The following VSIG10 variants were observed in gnomAD, a reference collection of about 807,000 sequenced individuals.
VSIG10 encodes the protein V-set and immunoglobulin domain-containing protein 10.
Under a neutral mutation model 58.7 loss-of-function variants are expected in VSIG10, and 48 were observed. The observed-to-expected ratio is 0.82, with a 90% CI of 0.65 to 1.04. The LOEUF (loss-of-function observed/expected upper bound fraction) is 1.04. Ranked by LOEUF, VSIG10 falls within the 50% of genes least tolerant of loss-of-function variation. VSIG10 has a pLI of 0.00. For missense variants in VSIG10, 628 were observed against 670.0 expected (o/e 0.94, Z 0.69); for synonymous variants, 260 against 267.1 (o/e 0.97, Z 0.26).
chr12:118,103,716 T>C lies in VSIG10; in HGVS notation c.-45A>G. The C allele has an allele frequency of 1.4e-6, 2 of 1,424,612 alleles. No homozygotes were observed. Among genetic ancestry groups the C allele is most frequent in the Non-Finnish European group, 1.8e-6 (2 of 1,093,992 alleles). The allele number at this position is 1,424,612 out of a possible 1,614,324, so 88.2% of individuals were successfully genotyped here. On this transcript the variant is annotated 5_prime_UTR_variant, in exon 1 of 9. Coordinates refer to ENST00000359236, the MANE Select transcript of VSIG10 (RefSeq NM_019086.6). ...CAGGAAACGCAGGCTCGGGCTGGGC[T>C]GGACGTGTGTGCCCCAGGGCCCCGG... is the stretch of plus-strand genomic sequence containing the variant.
chr12:118,068,259 TTCTGGGCTTAAG>T, intron 8 of VSIG10, 106 bp downstream of exon 8: 3 of 827,748 alleles, frequency 3.6e-6, no homozygotes, highest in Non-Finnish European at 5.5e-6. Context: ...AGTCTTGAAC[TTCTGGGCTTAAG>T]TGATCTTCCC....
rs1050016097 is a variant in VSIG10, at chr12:118,103,588, C to T, written c.79+5G>A. 9.9e-6 allele frequency: 15 copies of T among 1,522,128 alleles called. No homozygotes were observed. The Admixed American group carries it at 1.8e-4, about 18-fold the overall frequency. 94.3% of individuals were successfully genotyped at this position (1,522,128 alleles called of 1,614,324 possible). On this transcript the variant is annotated splice_donor_5th_base_variant and intron_variant, in intron 1 of 8. Coordinates refer to ENST00000359236, the MANE Select transcript of VSIG10 (RefSeq NM_019086.6). The stretch of plus-strand genomic sequence containing the variant: ...AACTTTTCCCTCCAGATCGCGGCCC[C>T]TTACCTACGGCGACCCAGCCGGCCA...
chr12:118,071,011 T>A (rs370007905), intron 7 of VSIG10, 41 bp downstream of exon 7: 26 of 1,595,634 alleles, frequency 1.6e-5, no homozygotes, highest in Middle Eastern at 1.6e-4. Flanking sequence ...TGAAGACAGA[T>A]GCGGGAATGG....
intron 1 of VSIG10, among the ~76,000 whole-genome samples, chr12:118,096,238 C>T (rs999156283): frequency 2.0e-5 from 3 of 151,390 alleles, no homozygotes; most frequent in Non-Finnish European, 4.4e-5. Flanking sequence ...GTCAAGACAT[C>T]GAGACCATCC....
chr12:118,072,043 T>C (rs1206572822), intron 5 of VSIG10, among the ~76,000 whole-genome samples: 1 of 152,012 alleles, frequency 6.6e-6, no homozygotes, highest in Non-Finnish European at 1.5e-5. Flanking sequence ...GTGGTGCATG[T>C]CTGTAATCCC....
intron 1 of VSIG10, among the ~76,000 whole-genome samples, chr12:118,098,687 G>T (rs1189754444): frequency 2.0e-5 from 3 of 152,100 alleles, no homozygotes; most frequent in African/African-American, 7.2e-5. Flanking sequence ...AAGCCAAACT[G>T]AGATCTGATG....
chr12:118,084,681 C>A (rs1174237471), intron 2 of VSIG10, among the ~76,000 whole-genome samples: 1 of 152,058 alleles, frequency 6.6e-6, no homozygotes, highest in Non-Finnish European at 1.5e-5. Flanking sequence ...GAGTTTGAGA[C>A]CCACCTGGCC....
At chr12:118,094,732 C>G (rs1463855734) in intron 2 of VSIG10, among the ~76,000 whole-genome samples, 1 of 148,976 alleles carries the variant, frequency 6.7e-6, no homozygotes, top group Non-Finnish European at 1.5e-5. Context: ...TTCTAAGAAG[C>G]AATAATTTTT....
At chr12:118,076,523 T>C (rs1464756587) in intron 4 of VSIG10, among the ~76,000 whole-genome samples, 3 of 152,056 alleles carry the variant, frequency 2.0e-5, no homozygotes, top group Non-Finnish European at 2.9e-5. Context: ...CCAAACCATA[T>C]CATGGTGTTT....
rs920019304 is a variant in VSIG10 at position 118,103,736 on chromosome 12, C to T, written c.-65G>A. 83 of 1,372,046 alleles carry T rather than the reference C, an allele frequency of 6.0e-5. No homozygotes were observed. The highest frequency in any genetic ancestry group is 7.5e-5 in the Non-Finnish European group (80 of 1,065,684). The allele number at this position is 1,372,046 out of a possible 1,614,324, so 85.0% of individuals were successfully genotyped here. On this transcript the variant is annotated 5_prime_UTR_variant, in exon 1 of 9. Coordinates refer to ENST00000359236, the MANE Select transcript of VSIG10 (RefSeq NM_019086.6). ...TGGGCTGGACGTGTGTGCCCCAGGG[C>T]CCCGGGGCCCGGGGTACCGAGGGCT...
chr12:118,084,988 C>T (rs909318283), intron 2 of VSIG10, among the ~76,000 whole-genome samples: 1 of 152,156 alleles, frequency 6.6e-6, no homozygotes, highest in Non-Finnish European at 1.5e-5. Context: ...CACTGCACTC[C>T]AGCCTGGGCA....
intron 2 of VSIG10, 65 bp downstream of exon 2, chr12:118,095,468 A>C: frequency 6.3e-7 from 1 of 1,585,872 alleles, no homozygotes. Context: ...ATTCCTGACC[A>C]TGGTCTCCTC....
chr12:118,088,895 T>C (rs939556286), intron 2 of VSIG10, among the ~76,000 whole-genome samples: 1 of 151,972 alleles, frequency 6.6e-6, no homozygotes, highest in Non-Finnish European at 1.5e-5. Context: ...AGGACTTCCC[T>C]GGAGGGAGTA....
At chr12:118,093,595 G>A (rs1380859344) in intron 2 of VSIG10, among the ~76,000 whole-genome samples, 1 of 151,796 alleles carries the variant, frequency 6.6e-6, no homozygotes, top group Non-Finnish European at 1.5e-5. Context: ...GCCAAGCCCT[G>A]TACTTAGCAC....
At chr12:118,074,059 G>T in intron 4 of VSIG10, 67 bp from the exon 5 acceptor site, 1 of 1,482,464 alleles carries the variant, frequency 6.7e-7, no homozygotes, top group South Asian at 1.4e-5. Flanking sequence ...GAGATCTGCA[G>T]GAAAACTGCA....
In VSIG10 at chr12:118,066,555, T is replaced by C. The variant is rs2032252506; in HGVS notation, c.*84A>G. On this transcript the variant is annotated 3_prime_UTR_variant, in exon 9 of 9. Transcript: ENST00000359236. ...TGCAAGCCCCCGCCAGGGGTGCAGGTGGAGTCAAAGCTGAATGAAGAGCTC... is the reference window on the plus strand; with the variant it reads ...TGCAAGCCCCCGCCAGGGGTGCAGGCGGAGTCAAAGCTGAATGAAGAGCTC... 2 of 1,505,780 alleles carry C rather than the reference T, an allele frequency of 1.3e-6. No individual in the cohort carries two copies. The highest frequency in any genetic ancestry group is 2.7e-5 in the African/African-American group (2 of 72,742). The allele number at this position is 1,505,780 out of a possible 1,614,324, so 93.3% of individuals were successfully genotyped here. A position where few individuals can be genotyped will look rare whatever the true frequency, so the allele number is the denominator to read the frequency against.
chr12:118,073,564 C>T, intron 5 of VSIG10, 135 bp downstream of exon 5: 1 of 1,034,290 alleles, frequency 9.7e-7, no homozygotes, highest in Non-Finnish European at 1.4e-6. Context: ...CTTGTCAAGT[C>T]ATAAGCAAGC....
intron 7 of VSIG10, among the ~76,000 whole-genome samples, chr12:118,069,396 A>C (rs1311574605): frequency 6.8e-6 from 1 of 146,862 alleles, no homozygotes; most frequent in African/African-American, 2.5e-5. Flanking sequence ...CCCGGCCTGG[A>C]CTGTGCATTT....
rs187591699 is a variant in VSIG10 at position 118,068,164 on chromosome 12, G to A, written c.1567+213C>T. Among the ~76,000 whole-genome samples, 35 of 149,674 alleles carry A rather than the reference G, an allele frequency of 2.3e-4. 1 individual carries two copies. The highest frequency in any genetic ancestry group is 7.6e-4 in the African/African-American group (31 of 40,660). The stretch of plus-strand genomic sequence containing the variant: ...AGCCTCCCAAGTAGCTGGGAACACA[G>A]GTGCACACCACCATGACCGGCTAAT... On this transcript the variant is annotated intron_variant, in intron 8 of 8. Coordinates refer to ENST00000359236, the MANE Select transcript of VSIG10 (RefSeq NM_019086.6).
Sources: gnomAD v4.1 joint callset for allele counts (sites outside exome capture counted in the v4.1 genomes callset) on GRCh38, gnomAD v4.1.1 for gene constraint, MANE v1.5 for transcripts, NCBI Gene and HGNC (gene_info 2026-07-23, HGNC 2026-07-21) for gene names.